The following FSTL4 variants were observed in gnomAD, a reference collection of about 807,000 sequenced individuals.
The protein encoded by FSTL4 is follistatin-related protein 4.
FSTL4 carries 28 observed loss-of-function variants against 78.2 expected under a neutral mutation model. The observed-to-expected ratio is 0.36, with a 90% CI of 0.27 to 0.49. FSTL4 has a LOEUF of 0.49. FSTL4 is among the 20% of genes least tolerant of loss of function. The probability of loss-of-function intolerance (pLI) is 0.98; values close to 1 mark genes in which losing one functional copy is unlikely to be tolerated. For synonymous variants in FSTL4, 422 were observed against 440.5 expected, an observed-to-expected ratio of 0.96 and a Z score of 0.53; for missense variants, 922 against 1,084.9, an observed-to-expected ratio of 0.85 and a Z score of 2.11.
chr5:133,343,573 T>G (rs1754634495), intron 4 of FSTL4, among the ~76,000 whole-genome samples: 1 of 152,210 alleles, frequency 6.6e-6, no homozygotes, highest in South Asian at 2.1e-4. Flanking sequence ...TCAAACTGCT[T>G]AGCGCAGTTG....
intron 2 of FSTL4, among the ~76,000 whole-genome samples, chr5:133,570,537 A>G (rs1760133729): frequency 6.6e-6 from 1 of 152,166 alleles, no homozygotes; most frequent in African/African-American, 2.4e-5. Flanking sequence ...GTGGCCAGCT[A>G]AGATTTAAAT....
chr5:133,705,039 A>T, the FSTL4 span, among the ~76,000 whole-genome samples: 1 of 152,148 alleles, frequency 6.6e-6, no homozygotes, highest in African/African-American at 2.4e-5. Context: ...TGGGATGTGA[A>T]AGTTAGTGGA....
chr5:133,375,312 A>ATATATATATATATATATATATATATATAT lies in FSTL4; in HGVS notation c.409+25425_409+25426insATATATATATATATATATATATATATATA, dbSNP rs1554109201. 1.7e-3 allele frequency among the ~76,000 whole-genome samples: 225 copies of ATATATATATATATATATATATATATATAT among 134,592 alleles called. 1 individual carries two copies. Among genetic ancestry groups the ATATATATATATATATATATATATATATAT allele is most frequent in the Non-Finnish European group, 2.3e-3 (139 of 60,998 alleles). The allele number at this position is 134,592 out of a possible 152,430, so 88.3% of individuals were successfully genotyped here. ...ATGGCATATATATATATATATATAT[A>ATATATATATATATATATATATATATATAT]AAAGACTCTAAAGTTACATACCAAA... On this transcript the variant is annotated intron_variant, in intron 4 of 15. Transcript: ENST00000265342.
chr5:133,614,535 C>T (rs75164820), upstream of FSTL4, among the ~76,000 whole-genome samples: 2,384 of 152,258 alleles, frequency 0.016, 278 homozygotes, highest in East Asian at 0.31. Context: ...TAAAACAAGG[C>T]TCCAGGGAAG....
chr5:133,467,471 T>G (rs1024541186), intron 3 of FSTL4, among the ~76,000 whole-genome samples: 1 of 152,028 alleles, frequency 6.6e-6, no homozygotes, highest in Admixed American at 6.6e-5. Flanking sequence ...CATTAAGAAG[T>G]GGCAAATTAT....
chr5:133,300,240 C>T (rs1253306097), intron 6 of FSTL4, among the ~76,000 whole-genome samples: 1 of 152,178 alleles, frequency 6.6e-6, no homozygotes, highest in East Asian at 1.9e-4. Context: ...ACATGGTGGC[C>T]ACATCTCCCA....
intron 3 of FSTL4, among the ~76,000 whole-genome samples, chr5:133,442,346 A>AAT (rs1190507080): frequency 6.6e-6 from 1 of 152,184 alleles, no homozygotes; most frequent in Admixed American, 6.5e-5. Context: ...CTTTGTTGCT[A>AAT]ATTGTATAGT....
At position 133,472,432 on chromosome 5, in the gene FSTL4, A is replaced by G. The variant is rs191577698; in HGVS notation, c.161-71446T>C. Among the ~76,000 whole-genome samples the G allele has an allele frequency of 1.5e-4, 23 of 152,334 alleles. 1 individual carries two copies. Among genetic ancestry groups the G allele is most frequent in the Middle Eastern group, 3.4e-3 (1 of 294 alleles). ...CAAAAAGAACATTCTAGATTAGAAT[A>G]AGAAAAAGAGGCTCCAGAAGAAAGG... On this transcript the variant is annotated intron_variant, in intron 3 of 15. Coordinates refer to ENST00000265342, the MANE Select transcript of FSTL4 (RefSeq NM_015082.2).
At chr5:133,212,949 A>G (rs913239874) in intron 13 of FSTL4, among the ~76,000 whole-genome samples, 1 of 152,234 alleles carries the variant, frequency 6.6e-6, no homozygotes, top group African/African-American at 2.4e-5. Flanking sequence ...TGATACCTTA[A>G]AATGCTGAAA....
chr5:133,775,191 G>A, the FSTL4 span, among the ~76,000 whole-genome samples: 1 of 152,300 alleles, frequency 6.6e-6, no homozygotes, highest in Non-Finnish European at 1.5e-5. Flanking sequence ...TGGTGATCCA[G>A]TATATCCAGT....
At chr5:133,702,480 G>A in the FSTL4 span, among the ~76,000 whole-genome samples, 1 of 152,024 alleles carries the variant, frequency 6.6e-6, no homozygotes, top group Non-Finnish European at 1.5e-5. Context: ...GTGCTCCATG[G>A]GGCCCCCGGA....
At chr5:133,752,026 C>T in the FSTL4 span, among the ~76,000 whole-genome samples, 6 of 152,312 alleles carry the variant, frequency 3.9e-5, no homozygotes, top group East Asian at 7.7e-4. Context: ...TGGCAGGAAT[C>T]GTGCAAGCCC....
the FSTL4 span, among the ~76,000 whole-genome samples, chr5:133,795,497 C>A: frequency 6.6e-6 from 1 of 152,150 alleles, no homozygotes. Context: ...GATCTGTGAT[C>A]AAATAAGTTT....
intron 6 of FSTL4, among the ~76,000 whole-genome samples, chr5:133,258,213 A>G (rs980328204): frequency 7.9e-5 from 12 of 152,184 alleles, no homozygotes; most frequent in Non-Finnish European, 4.4e-5. Flanking sequence ...CTGGCCACAC[A>G]ACCTCTGTGT....
At chr5:133,512,721 G>A (rs983574746) in intron 3 of FSTL4, among the ~76,000 whole-genome samples, 2 of 152,206 alleles carry the variant, frequency 1.3e-5, no homozygotes, top group African/African-American at 2.4e-5. Flanking sequence ...TCAGAAGGAA[G>A]AGCAATGGCT....
chr5:133,693,572 A>G, the FSTL4 span, among the ~76,000 whole-genome samples: 5 of 152,022 alleles, frequency 3.3e-5, no homozygotes, highest in African/African-American at 1.2e-4. Flanking sequence ...TGCAGCCCTG[A>G]CCTCCCAAGG....
At chr5:133,637,239 T>C in the FSTL4 span, among the ~76,000 whole-genome samples, 16 of 152,086 alleles carry the variant, frequency 1.1e-4, no homozygotes, top group South Asian at 2.5e-3. Context: ...GCTTGCCCTT[T>C]CTTCTCCCTG....
the FSTL4 span, among the ~76,000 whole-genome samples, chr5:133,674,594 TG>T: frequency 5.2e-4 from 78 of 149,112 alleles, no homozygotes; most frequent in Middle Eastern, 7.4e-3. Context: ...TATGTGTGTG[TG>T]TGTGTGTGTG....
chr5:133,204,160 T>C (rs942695882), intron 14 of FSTL4, among the ~76,000 whole-genome samples: 104 of 152,002 alleles, frequency 6.8e-4, no homozygotes, highest in African/African-American at 2.3e-3. Flanking sequence ...GGAGAGAACA[T>C]GGTATCCAGA....
Sources: allele counts gnomAD v4.1 joint callset (sites outside exome capture counted in the v4.1 genomes callset), GRCh38; gene constraint gnomAD v4.1.1; transcripts MANE v1.5; gene names NCBI Gene and HGNC (gene_info 2026-07-23, HGNC 2026-07-21).